Variants in POLR2B observed in about 807,000 individuals in gnomAD.
POLR2B encodes DNA-directed RNA polymerase II subunit RPB2.
A neutral mutation model predicts 144.6 loss-of-function variants in POLR2B; 57 were observed. The ratio of observed to expected loss-of-function variants is 0.39; its 90% CI spans 0.32 to 0.49. The LOEUF (loss-of-function observed/expected upper bound fraction) is 0.49, where lower values mean the gene tolerates loss of function less well. POLR2B is among the 20% of genes least tolerant of loss of function. The pLI, the probability that POLR2B is intolerant of heterozygous loss-of-function variation, is 0.83. For missense variants in POLR2B, 595 were observed against 1,467.4 expected (o/e 0.41, Z 9.71); for synonymous variants, 442 against 469.8 (o/e 0.94, Z 0.77).
intron 1 of POLR2B, among the ~76,000 whole-genome samples, chr4:56,981,903 G>T (rs1357191687): frequency 6.6e-6 from 1 of 152,194 alleles, no homozygotes; most frequent in Non-Finnish European, 1.5e-5. Context: ...AAATGAGATG[G>T]ATATTTAAAA....
chr4:57,001,927 G>C (rs2109675812), intron 7 of POLR2B, among the ~76,000 whole-genome samples: 1 of 152,320 alleles, frequency 6.6e-6, no homozygotes, highest in East Asian at 1.9e-4. Context: ...CACAAAGTTA[G>C]AACAGGGAGT....
intron 23 of POLR2B, among the ~76,000 whole-genome samples, chr4:57,027,296 A>G (rs1723755844): frequency 1.3e-5 from 2 of 152,140 alleles, no homozygotes; most frequent in African/African-American, 4.8e-5. Flanking sequence ...GGCAAGAGCC[A>G]CCACGCCCAG....
At chr4:57,020,306 A>C (rs543350168) in intron 16 of POLR2B, among the ~76,000 whole-genome samples, 2 of 152,306 alleles carry the variant, frequency 1.3e-5, no homozygotes, top group Admixed American at 1.3e-4. Context: ...TGCTGGGATT[A>C]CAGGCGTGAG....
intron 6 of POLR2B, among the ~76,000 whole-genome samples, chr4:56,997,620 G>A (rs1169158766): frequency 6.6e-6 from 1 of 152,206 alleles, no homozygotes; most frequent in Non-Finnish European, 1.5e-5. Flanking sequence ...TATATAAGCA[G>A]AGAGAAACTG....
At position 57,023,799 on chromosome 4, in the gene POLR2B, T is replaced by A; in HGVS notation, c.2856+48T>A. ...ATGCCCAAACCAGTTTTGTTAAATA[T>A]TTTTTTTTTAATCAAAATTTGCTTT... On this transcript the variant is annotated intron_variant, in intron 20 of 24. Coordinates refer to ENST00000314595, the MANE Select transcript of POLR2B (RefSeq NM_000938.3). The surrounding 1 kb of genome is among the most constrained non-coding windows in gnomAD (Gnocchi z 4.3). 4 of 930,694 alleles carry A rather than the reference T, an allele frequency of 4.3e-6. No individual in the cohort carries two copies. Among genetic ancestry groups the A allele is most frequent in the Non-Finnish European group, 4.7e-6 (3 of 638,158 alleles). 57.7% of individuals were successfully genotyped at this position (930,694 alleles called of 1,614,324 possible).
At chr4:56,991,841 T>C (rs1449452716) in intron 3 of POLR2B, among the ~76,000 whole-genome samples, 1 of 152,116 alleles carries the variant, frequency 6.6e-6, no homozygotes, top group Non-Finnish European at 1.5e-5. Context: ...GTATTTTTAG[T>C]AGAGATGGTG....
At chr4:57,015,832 C>T (rs1723349122) in intron 14 of POLR2B, among the ~76,000 whole-genome samples, 176 bp downstream of exon 14, 1 of 152,000 alleles carries the variant, frequency 6.6e-6, no homozygotes, top group Non-Finnish European at 1.5e-5. Context: ...GCGATCTTGG[C>T]TCACTAACCT....
At chr4:57,019,070 T>C (rs10018307) in intron 16 of POLR2B, among the ~76,000 whole-genome samples, 2,127 of 152,322 alleles carry the variant, frequency 0.014, 48 homozygotes, top group African/African-American at 0.048. Flanking sequence ...TAGCAAATTC[T>C]CATAGGTTAA....
chr4:56,993,131 C>T (rs1390488927), intron 3 of POLR2B, among the ~76,000 whole-genome samples: 1 of 151,664 alleles, frequency 6.6e-6, no homozygotes, highest in South Asian at 2.1e-4. Flanking sequence ...TGGTGAAGCC[C>T]CATCTCTACC....
At chr4:56,980,229 AG>A (rs1256559929) in intron 1 of POLR2B, among the ~76,000 whole-genome samples, 1 of 152,080 alleles carries the variant, frequency 6.6e-6, no homozygotes, top group African/African-American at 2.4e-5. Context: ...CCCAGCCAAA[AG>A]CTTAAACTTT....
chr4:56,979,084 G>T, intron 1 of POLR2B, 80 bp downstream of exon 1: 1 of 1,449,592 alleles, frequency 6.9e-7, no homozygotes, highest in Admixed American at 1.7e-5. Context: ...TTGAGGATTT[G>T]GGGCCTTCCC....
At position 56,999,621 on chromosome 4, in the gene POLR2B, C is replaced by T; in HGVS notation, c.740C>T (p.Ala247Val). Reference protein sequence around the residue: ...VSMLARGGQGAKKSAIGQRIV... With the variant: ...VSMLARGGQGVKKSAIGQRIV... ...AATGATACTTTATTTTTCTAGGGTGCCAAGAAGAGTGCTATTGGTCAGCGC... is the reference window on the plus strand; with the variant it reads ...AATGATACTTTATTTTTCTAGGGTGTCAAGAAGAGTGCTATTGGTCAGCGC... Residue 247 changes from alanine (A) to valine (V), a missense_variant, in exon 7 of 25, where the codon GCC becomes GTC. This residue lies in a region of POLR2B where 251 missense variants were observed against 567.3 expected (regional missense o/e 0.44). Transcript: ENST00000314595. 3.1e-6 allele frequency: 5 copies of T among 1,595,550 alleles called. No homozygotes were observed. Among genetic ancestry groups the T allele is most frequent in the Non-Finnish European group, 4.3e-6 (5 of 1,171,940 alleles).
chr4:56,979,036 G>T, intron 1 of POLR2B, 32 bp downstream of exon 1: 3 of 1,610,350 alleles, frequency 1.9e-6, no homozygotes, highest in Non-Finnish European at 2.5e-6. Flanking sequence ...ACGCCGTGGC[G>T]GTCCATTTAA....
intron 18 of POLR2B, among the ~76,000 whole-genome samples, chr4:57,022,544 T>A (rs917586115): frequency 3.3e-5 from 5 of 152,216 alleles, no homozygotes; most frequent in Admixed American, 2.0e-4. Flanking sequence ...GGGGACACAC[T>A]TCACACCTGT....
chr4:57,009,197 C>G (rs887278703), intron 10 of POLR2B, among the ~76,000 whole-genome samples: 5 of 152,152 alleles, frequency 3.3e-5, no homozygotes, highest in Non-Finnish European at 7.3e-5. Context: ...CCAATGAGTA[C>G]AGAAAAGAGA....
intron 7 of POLR2B, among the ~76,000 whole-genome samples, chr4:57,005,034 A>G (rs774885782): frequency 4.5e-4 from 68 of 152,166 alleles, no homozygotes; most frequent in Admixed American, 2.2e-3. Flanking sequence ...CTAGAAAGGT[A>G]ATTGCCTGTG....
chr4:56,998,960 A>G (rs1378304798), intron 6 of POLR2B, among the ~76,000 whole-genome samples: 1 of 152,216 alleles, frequency 6.6e-6, no homozygotes. Flanking sequence ...AGATAGAGTG[A>G]AATTAATATT....
intron 7 of POLR2B, among the ~76,000 whole-genome samples, chr4:57,000,676 C>G (rs1213331781): frequency 6.6e-6 from 1 of 151,916 alleles, no homozygotes; most frequent in Non-Finnish European, 1.5e-5. Flanking sequence ...TAAATTAGAA[C>G]ATTTTACTTA....
chr4:56,989,319 A>T (rs1223860482), intron 2 of POLR2B, among the ~76,000 whole-genome samples: 1 of 152,230 alleles, frequency 6.6e-6, no homozygotes, highest in Non-Finnish European at 1.5e-5. Context: ...TGTTTTTCTT[A>T]CAATATCAAT....
Sources: gnomAD v4.1 joint callset for allele counts (sites outside exome capture counted in the v4.1 genomes callset) on GRCh38, gnomAD v4.1.1 for gene constraint, gnomAD v4.1.1 regional missense constraint, Gnocchi (gnomAD v3.1) non-coding constraint, MANE v1.5 for transcripts, NCBI Gene and HGNC (gene_info 2026-07-23, HGNC 2026-07-21) for gene names.